The following ASTN1 variants were observed in gnomAD, a reference collection of about 807,000 sequenced individuals.
ASTN1 encodes astrotactin 1, also known as astrotactin-1.
Under a neutral mutation model 140.7 loss-of-function variants are expected in ASTN1, and 41 were observed. That is an observed-to-expected ratio of 0.29 (90% CI 0.23 to 0.38). ASTN1 has a LOEUF of 0.38. Ranked by LOEUF, ASTN1 falls within the 10% of genes least tolerant of loss-of-function variation. The probability of loss-of-function intolerance (pLI) is 1.00; values close to 1 mark genes in which losing one functional copy is unlikely to be tolerated. For synonymous variants in ASTN1, 640 were observed against 652.2 expected (o/e 0.98, Z 0.29); for missense variants, 1,479 against 1,678.8 (o/e 0.88, Z 2.08).
intron 22 of ASTN1, 140 bp downstream of exon 22, chr1:176,868,704 T>A (rs1668222429): frequency 3.0e-5 from 27 of 892,402 alleles, no homozygotes. Flanking sequence ...GACTGAACTG[T>A]CTTAAATCAG....
intron 1 of ASTN1, among the ~76,000 whole-genome samples, chr1:177,129,595 G>T (rs1293882695): frequency 6.6e-6 from 1 of 152,160 alleles, no homozygotes; most frequent in Non-Finnish European, 1.5e-5. Flanking sequence ...AGAGAAAAAT[G>T]CACTTAACAT....
chr1:177,142,314 C>T (rs1682508436), intron 1 of ASTN1, among the ~76,000 whole-genome samples: 1 of 151,580 alleles, frequency 6.6e-6, no homozygotes, highest in African/African-American at 2.4e-5. Flanking sequence ...GCAGTTGTTA[C>T]ATGATATGCA....
At chr1:176,897,049 G>T (rs1431755866) in intron 16 of ASTN1, among the ~76,000 whole-genome samples, 2 of 152,082 alleles carry the variant, frequency 1.3e-5, no homozygotes, top group Non-Finnish European at 2.9e-5. Flanking sequence ...GGCCAAGGCG[G>T]GTGGATCACG....
chr1:176,892,687 C>A (rs1033030156), intron 17 of ASTN1, among the ~76,000 whole-genome samples: 2 of 152,088 alleles, frequency 1.3e-5, no homozygotes, highest in Admixed American at 6.5e-5. Context: ...ACAATGAGAC[C>A]AACAAAGGTC....
At chr1:176,935,021 C>T (rs908440417) in intron 15 of ASTN1, among the ~76,000 whole-genome samples, 36 of 152,254 alleles carry the variant, frequency 2.4e-4, no homozygotes, top group Admixed American at 1.5e-3. Flanking sequence ...TTGTTGGCCT[C>T]CTCTCCCCCA....
At position 176,944,025 on chromosome 1, in the gene ASTN1, A is replaced by G; in HGVS notation, c.2250-7T>C. The G allele has an allele frequency of 6.2e-7, 1 of 1,613,730 alleles. No homozygotes were observed. The highest frequency in any genetic ancestry group is 8.5e-7 in the Non-Finnish European group (1 of 1,179,860). ...ACGAGCAAAGTTGTTTTGCCTAGAA[A>G]GAGGGTAGACCTTCATTTCTGAGTG... On this transcript the variant is annotated splice_region_variant and splice_polypyrimidine_tract_variant and intron_variant, in intron 13 of 22. Transcript: ENST00000361833.
chr1:177,155,366 A>T (rs1436969371), intron 1 of ASTN1, among the ~76,000 whole-genome samples: 1 of 152,224 alleles, frequency 6.6e-6, no homozygotes, highest in African/African-American at 2.4e-5. Context: ...ATTAAAAGAA[A>T]AGAAATCATT....
intron 1 of ASTN1, among the ~76,000 whole-genome samples, chr1:177,099,788 T>C (rs1046123521): frequency 2.0e-5 from 3 of 152,178 alleles, no homozygotes; most frequent in Non-Finnish European, 4.4e-5. Context: ...CTTGTTTATC[T>C]AAGAAGGCCC....
At chr1:177,023,668 C>T (rs1396909021) in intron 6 of ASTN1, 97 bp from the exon 7 acceptor site, 26 of 1,283,500 alleles carry the variant, frequency 2.0e-5, no homozygotes, top group East Asian at 2.7e-5. Flanking sequence ...AGAATTAGTA[C>T]CAATCAGAGA....
rs188073786 is a variant in ASTN1 at position 176,861,189 on chromosome 1, T to C, written c.*3095A>G. On this transcript the variant is annotated 3_prime_UTR_variant, in exon 23 of 23. Transcript: ENST00000361833. The stretch of plus-strand genomic sequence containing the variant: ...TGGTCATATTATATTCTTTCTTCCT[T>C]CTGCAGTAGTAAAGTGTTTTTCTTC... 3.0e-4 allele frequency: 294 copies of C among 965,846 alleles called. 1 individual carries two copies. In the African/African-American group the frequency reaches 4.9e-3, roughly 16 times the overall value. The allele number at this position is 965,846 out of a possible 1,614,324, so 59.8% of individuals were successfully genotyped here.
At chr1:177,138,831 C>T (rs1034109565) in intron 1 of ASTN1, among the ~76,000 whole-genome samples, 15 of 152,148 alleles carry the variant, frequency 9.9e-5, no homozygotes, top group Non-Finnish European at 1.9e-4. Flanking sequence ...TGCCAGCTTC[C>T]CTAAAATATG....
At chr1:176,972,553 C>A (rs966292701) in intron 8 of ASTN1, among the ~76,000 whole-genome samples, 1 of 152,022 alleles carries the variant, frequency 6.6e-6, no homozygotes, top group East Asian at 1.9e-4. Flanking sequence ...TGCCAAAATG[C>A]ACTGGTGCAA....
At chr1:177,047,397 G>T (rs1677293501) in intron 2 of ASTN1, among the ~76,000 whole-genome samples, 1 of 152,172 alleles carries the variant, frequency 6.6e-6, no homozygotes, top group African/African-American at 2.4e-5. Context: ...GATTGTCAGG[G>T]TAGCTCACAG....
intron 16 of ASTN1, among the ~76,000 whole-genome samples, chr1:176,908,132 A>AACACACACACAC (rs10669124): frequency 1.3e-4 from 20 of 149,790 alleles, no homozygotes; most frequent in African/African-American, 3.7e-4. Flanking sequence ...TCTCTTATGC[A>AACACACACACAC]ACACACACAC....
At chr1:176,991,104 T>G (rs1419679396) in intron 8 of ASTN1, among the ~76,000 whole-genome samples, 1 of 152,072 alleles carries the variant, frequency 6.6e-6, no homozygotes, top group African/African-American at 2.4e-5. Context: ...CTTCAACACT[T>G]AACCATAAAA....
chr1:176,905,717 G>A (rs2103052926), intron 16 of ASTN1, among the ~76,000 whole-genome samples: 1 of 152,186 alleles, frequency 6.6e-6, no homozygotes, highest in East Asian at 1.9e-4. Flanking sequence ...CATCTCTTGA[G>A]TTTTAAAATG....
At chr1:177,046,063 T>A (rs1459945404) in intron 2 of ASTN1, among the ~76,000 whole-genome samples, 3 of 152,174 alleles carry the variant, frequency 2.0e-5, no homozygotes, top group African/African-American at 7.2e-5. Flanking sequence ...TTGGGGAAAT[T>A]AAATTTGGCT....
intron 1 of ASTN1, among the ~76,000 whole-genome samples, chr1:177,158,336 T>C (rs1055371642): frequency 3.9e-5 from 6 of 152,208 alleles, no homozygotes; most frequent in African/African-American, 1.2e-4. Flanking sequence ...TAGATGACCA[T>C]GTAACAAAAG....
At chr1:177,102,562 C>T (rs1680351402) in intron 1 of ASTN1, among the ~76,000 whole-genome samples, 1 of 152,094 alleles carries the variant, frequency 6.6e-6, no homozygotes, top group African/African-American at 2.4e-5. Flanking sequence ...GGAAAAAAAA[C>T]ACAACCACCA....
Sources: gnomAD v4.1 joint callset for allele counts (sites outside exome capture counted in the v4.1 genomes callset) on GRCh38, gnomAD v4.1.1 for gene constraint, MANE v1.5 for transcripts, NCBI Gene and HGNC (gene_info 2026-07-23, HGNC 2026-07-21) for gene names.